Variants in NODAL observed in about 807,000 individuals in gnomAD.
NODAL encodes nodal growth differentiation factor.
In NODAL, 12 loss-of-function variants were observed where a neutral mutation model predicts 34.0. That is an observed-to-expected ratio of 0.35 (90% CI 0.23 to 0.57). The LOEUF (loss-of-function observed/expected upper bound fraction) is 0.57. NODAL is among the 20% of genes least tolerant of loss of function. NODAL has a pLI of 0.83. For missense variants in NODAL, 390 were observed against 444.2 expected, an observed-to-expected ratio of 0.88 and a Z score of 1.10; for synonymous variants, 162 against 186.4, an observed-to-expected ratio of 0.87 and a Z score of 1.07.
chr10:70,435,471 G>A lies in NODAL; in HGVS notation c.706C>T (p.Arg236Cys), dbSNP rs1194142220. 16 of 1,614,152 alleles carry A rather than the reference G, an allele frequency of 9.9e-6. No individual in the cohort carries two copies. Among genetic ancestry groups the A allele is most frequent in the Non-Finnish European group, 1.4e-5 (16 of 1,180,040 alleles). Residue 236 changes from arginine (R) to cysteine (C), a missense_variant, in exon 2 of 3, where the codon CGT (arginine) becomes TGT (cysteine). Arg to Cys is a radical substitution (Grantham distance 180). Coordinates refer to ENST00000287139, the MANE Select transcript of NODAL (RefSeq NM_018055.5). Reference sequence around the variant, plus strand: ...CTTCTGTCTGGCAAGTGATGTCGACGGTGCCTCTTGCCCCACTCCCAGGAC... The same window carrying A: ...CTTCTGTCTGGCAAGTGATGTCGACAGTGCCTCTTGCCCCACTCCCAGGAC... ...QLSWEWGKRHRRHHLPDRSQL... is the reference protein window; with the variant it reads ...QLSWEWGKRHCRHHLPDRSQL...
Position 70,432,634 on chromosome 10 carries a change from T to C in NODAL, c.*302A>G, listed in dbSNP as rs562994342. ...GGGGGGTTCACAGGTTTTTAAAAAA[T>C]CCAGTAAAGAACTCATGCACTTGTG... On this transcript the variant is annotated 3_prime_UTR_variant, in exon 3 of 3. Coordinates refer to ENST00000287139, the MANE Select transcript of NODAL (RefSeq NM_018055.5). 71 of 426,516 alleles carry C rather than the reference T, an allele frequency of 1.7e-4. No homozygotes were observed. Among genetic ancestry groups the C allele is most frequent in the Admixed American group, 1.2e-3 (33 of 28,440 alleles). 26.4% of individuals were successfully genotyped at this position (426,516 alleles called of 1,614,324 possible).
chr10:70,435,564 T>A lies in NODAL; in HGVS notation c.613A>T (p.Arg205Trp), dbSNP rs1160791133. The A allele has an allele frequency of 6.2e-7, 1 of 1,614,092 alleles. No individual in the cohort carries two copies. The highest frequency in any genetic ancestry group is 1.3e-5 in the African/African-American group (1 of 75,036). ...MLYSNLSQEQ[R>W]QLGGSTLLWE... is the part of the protein sequence containing the mutation. The stretch of plus-strand genomic sequence containing the variant: ...AGCAAGGTGGACCCACCCAGCTGCC[T>A]CTGCTCCTGCGAGAGGTTGGAGTAG... The change falls in exon 2 of 3, where the codon AGG becomes TGG. Residue 205 changes from arginine to tryptophan, a missense_variant. Arg to Trp is a moderately radical substitution (Grantham distance 101). Coordinates refer to ENST00000287139, the MANE Select transcript of NODAL (RefSeq NM_018055.5).
Position 70,441,571 on chromosome 10 carries a change from C to G in NODAL, c.97G>C (p.Gly33Arg). Residue 33 changes from glycine to arginine, a missense_variant, in exon 1 of 3, where the codon GGG (glycine) becomes CGG (arginine). Coordinates refer to ENST00000287139, the MANE Select transcript of NODAL (RefSeq NM_018055.5). The part of the protein sequence containing the change: ...TVATALLRTR[G>R]QPSSPSPLAY... ...AGAGGGGATGGCGACGAGGGCTGCC[C>G]CCGCGTACGCAGGAGCGCAGTGGCC... The G allele has an allele frequency of 1.9e-6, 3 of 1,573,228 alleles. No homozygotes were observed. The highest frequency in any genetic ancestry group is 2.6e-6 in the Non-Finnish European group (3 of 1,161,186).
chr10:70,438,427 C>A (rs1023945241), intron 1 of NODAL, among the ~76,000 whole-genome samples: 16 of 152,220 alleles, frequency 1.1e-4, no homozygotes, highest in African/African-American at 3.6e-4. Context: ...GGTCAGGCTA[C>A]TTTCCTTCTC....
upstream of NODAL, among the ~76,000 whole-genome samples, chr10:70,442,722 C>T (rs527962439): frequency 1.8e-4 from 28 of 152,258 alleles, no homozygotes; most frequent in African/African-American, 6.0e-4. Flanking sequence ...ACTTACTAAG[C>T]GCCAGGCATA....
chr10:70,436,118 CTA>C (rs1845350580), intron 1 of NODAL, 135 bp from the exon 2 acceptor site: 1 of 763,716 alleles, frequency 1.3e-6, no homozygotes, highest in Non-Finnish European at 2.3e-6. Flanking sequence ...CACCCCAACT[CTA>C]TGAGTTGGTA....
chr10:70,447,806 T>C (rs1023828081), intron 1 of NODAL: 6 of 457,794 alleles, frequency 1.3e-5, no homozygotes, highest in African/African-American at 8.0e-5. Context: ...CCTGACTCCT[T>C]TCTCTCTGAG....
Position 70,447,406 on chromosome 10 carries a change from C to T in NODAL, c.28+518G>A, listed in dbSNP as rs138798244. 4.5e-4 allele frequency among the ~76,000 whole-genome samples: 69 copies of T among 152,104 alleles called. No homozygotes were observed. In the Middle Eastern group the frequency reaches 0.01, roughly 22 times the overall value. On this transcript the variant is annotated intron_variant, in intron 1 of 2. Transcript: ENST00000414871. ...CCCTCTTCTAAGTAAAGCATCAGGG[C>T]GGGGTGTGGTGGCTCGTGCCTGCAA...
chr10:70,446,505 A>G (rs1845487489), upstream of NODAL, among the ~76,000 whole-genome samples: 1 of 152,182 alleles, frequency 6.6e-6, no homozygotes, highest in Non-Finnish European at 1.5e-5. Flanking sequence ...AAATGTGTGT[A>G]AAGTGTATAG....
chr10:70,441,694 C>G, upstream of NODAL: 1 of 1,547,542 alleles, frequency 6.5e-7, no homozygotes, highest in Non-Finnish European at 8.7e-7. Flanking sequence ...CTGAAAGCAG[C>G]ACCTCCAGCC....
intron 1 of NODAL, among the ~76,000 whole-genome samples, chr10:70,440,086 C>A (rs1353963629): frequency 6.6e-6 from 1 of 151,950 alleles, no homozygotes; most frequent in Non-Finnish European, 1.5e-5. Context: ...AAAAAACAAA[C>A]AAACAAAAAA....
intron 1 of NODAL, among the ~76,000 whole-genome samples, chr10:70,441,160 C>T (rs1305755425): frequency 1.3e-5 from 2 of 152,268 alleles, no homozygotes; most frequent in African/African-American, 4.8e-5. Flanking sequence ...GAAGCTCCCA[C>T]CCTTCCGCGC....
At chr10:70,445,549 C>T (rs535375824), upstream of NODAL, among the ~76,000 whole-genome samples, 20 of 152,330 alleles carry the variant, frequency 1.3e-4, no homozygotes, top group South Asian at 6.2e-4. Context: ...TGAGCCACCG[C>T]GCCTGGCCGG....
chr10:70,432,103 G>A lies in NODAL; in HGVS notation c.*833C>T, dbSNP rs1339663939. ...ATAGAGCAAGTATCTTGCCACCCAGGGCAAGGCCTTCACCACTGCTGGATA... is the reference window on the plus strand; with the variant it reads ...ATAGAGCAAGTATCTTGCCACCCAGAGCAAGGCCTTCACCACTGCTGGATA... On this transcript the variant is annotated 3_prime_UTR_variant, in exon 3 of 3. Coordinates refer to ENST00000287139, the MANE Select transcript of NODAL (RefSeq NM_018055.5). 1.3e-5 allele frequency among the ~76,000 whole-genome samples: 2 copies of A among 152,226 alleles called. No homozygotes were observed. Among genetic ancestry groups the A allele is most frequent in the African/African-American group, 2.4e-5 (1 of 41,462 alleles).
At chr10:70,441,353 C>T in intron 1 of NODAL, 122 bp downstream of exon 1, 2 of 1,087,676 alleles carry the variant, frequency 1.8e-6, no homozygotes, top group Non-Finnish European at 2.6e-6. Context: ...GACGCCCGGG[C>T]GGCTGCAAAC....
upstream of NODAL, among the ~76,000 whole-genome samples, chr10:70,442,812 G>A (rs1177188986): frequency 6.6e-6 from 1 of 152,128 alleles, no homozygotes; most frequent in Non-Finnish European, 1.5e-5. Context: ...GGCCAGGCAC[G>A]GTGGCTCACA....
intron 1 of NODAL, among the ~76,000 whole-genome samples, chr10:70,438,248 T>A (rs1416575433): frequency 1.6e-4 from 25 of 152,162 alleles, no homozygotes; most frequent in Middle Eastern, 3.4e-3. Flanking sequence ...GAGCTGAGAT[T>A]GCGCCATTGC....
chr10:70,440,384 T>A (rs1845412169), intron 1 of NODAL, among the ~76,000 whole-genome samples: 1 of 152,040 alleles, frequency 6.6e-6, no homozygotes, highest in Admixed American at 6.6e-5. Context: ...TGTCCCCTGG[T>A]CTGGCTGGTC....
intron 1 of NODAL, among the ~76,000 whole-genome samples, chr10:70,439,119 C>T (rs547283026): frequency 7.2e-4 from 110 of 152,284 alleles, no homozygotes; most frequent in African/African-American, 2.4e-3. Flanking sequence ...ATTCTCCTGC[C>T]TCACCCTCCC....
Sources: allele counts gnomAD v4.1 joint callset (sites outside exome capture counted in the v4.1 genomes callset), GRCh38; gene constraint gnomAD v4.1.1; transcripts MANE v1.5; gene names NCBI Gene and HGNC (gene_info 2026-07-23, HGNC 2026-07-21).